The following SGMS1 variants were observed in gnomAD, a reference collection of about 807,000 sequenced individuals.
SGMS1 encodes the protein phosphatidylcholine:ceramide cholinephosphotransferase 1.
SGMS1 carries 13 observed loss-of-function variants against 46.2 expected under a neutral mutation model. The observed-to-expected ratio is 0.28, with a 90% CI of 0.18 to 0.45. SGMS1 has a LOEUF of 0.45. Among genes scored for constraint, SGMS1 ranks in the 20% least tolerant of loss-of-function variants. The pLI is 1.00. For missense variants in SGMS1, 324 were observed against 519.9 expected, an observed-to-expected ratio of 0.62 and a Z score of 3.66; for synonymous variants, 203 against 187.8, an observed-to-expected ratio of 1.08 and a Z score of -0.66.
chr10:50,560,580 C>A, intron 2 of SGMS1, among the ~76,000 whole-genome samples: 1 of 143,980 alleles, frequency 6.9e-6, no homozygotes, highest in Non-Finnish European at 1.5e-5. Context: ...ATACATAATA[C>A]AAATATACAT....
chr10:50,378,732 T>C (rs1018799208), intron 6 of SGMS1, among the ~76,000 whole-genome samples: 2 of 152,212 alleles, frequency 1.3e-5, no homozygotes, highest in African/African-American at 4.8e-5. Flanking sequence ...GTGGGATTAA[T>C]CACTACTAGT....
At chr10:50,576,130 C>T (rs1243119310) in intron 2 of SGMS1, among the ~76,000 whole-genome samples, 1 of 152,070 alleles carries the variant, frequency 6.6e-6, no homozygotes, top group African/African-American at 2.4e-5. Context: ...AACCACCTAA[C>T]ACTGTATTAC....
chr10:50,599,771 G>A (rs1320232514), intron 1 of SGMS1, among the ~76,000 whole-genome samples: 5 of 152,142 alleles, frequency 3.3e-5, no homozygotes, highest in East Asian at 1.9e-4. Flanking sequence ...GCTGAGGCAA[G>A]AGAATTGCTT....
intron 1 of SGMS1, among the ~76,000 whole-genome samples, chr10:50,598,697 T>C (rs1469784206): frequency 6.6e-6 from 1 of 152,158 alleles, no homozygotes; most frequent in Non-Finnish European, 1.5e-5. Flanking sequence ...TCAAGGACCT[T>C]GGTTTCCAGA....
intron 6 of SGMS1, among the ~76,000 whole-genome samples, chr10:50,383,143 G>A (rs1848632022): frequency 6.6e-6 from 1 of 152,146 alleles, no homozygotes; most frequent in South Asian, 2.1e-4. Flanking sequence ...TTAGTGTATT[G>A]TACCTATTTT....
intron 6 of SGMS1, among the ~76,000 whole-genome samples, chr10:50,362,229 C>T (rs1321355332): frequency 3.3e-5 from 5 of 152,104 alleles, no homozygotes; most frequent in African/African-American, 1.2e-4. Flanking sequence ...ATACCATAAT[C>T]AGTTTCAAAA....
chr10:50,608,690 C>G (rs1838719248), intron 1 of SGMS1, among the ~76,000 whole-genome samples: 1 of 152,170 alleles, frequency 6.6e-6, no homozygotes, highest in Non-Finnish European at 1.5e-5. Flanking sequence ...AGCCTAATAA[C>G]AAGTACAGAG....
At chr10:50,372,923 A>G (rs1848463731) in intron 6 of SGMS1, among the ~76,000 whole-genome samples, 1 of 145,442 alleles carries the variant, frequency 6.9e-6, no homozygotes, top group Non-Finnish European at 1.5e-5. Context: ...AAGGAAACTT[A>G]AATCCAAAGT....
chr10:50,439,703 T>C (rs977806103), intron 5 of SGMS1, among the ~76,000 whole-genome samples: 1 of 152,208 alleles, frequency 6.6e-6, no homozygotes, highest in Non-Finnish European at 1.5e-5. Context: ...TATGAAATGT[T>C]CAATCCAGTT....
intron 6 of SGMS1, among the ~76,000 whole-genome samples, chr10:50,375,976 T>C (rs931258425): frequency 5.9e-5 from 9 of 152,092 alleles, no homozygotes; most frequent in Non-Finnish European, 1.2e-4. Flanking sequence ...AGACTACAAG[T>C]GAGTACTACT....
At chr10:50,378,581 C>T (rs935598668) in intron 6 of SGMS1, among the ~76,000 whole-genome samples, 3 of 152,138 alleles carry the variant, frequency 2.0e-5, no homozygotes, top group Admixed American at 6.5e-5. Flanking sequence ...ATTATTCATA[C>T]ACTAATTTGT....
chr10:50,436,646 C>A (rs1409893567), intron 5 of SGMS1, among the ~76,000 whole-genome samples: 1 of 152,162 alleles, frequency 6.6e-6, no homozygotes, highest in African/African-American at 2.4e-5. Flanking sequence ...CATGGGAAAA[C>A]CTGGCTCCTT....
At chr10:50,493,066 A>G (rs1428667974) in intron 3 of SGMS1, among the ~76,000 whole-genome samples, 1 of 152,196 alleles carries the variant, frequency 6.6e-6, no homozygotes, top group Non-Finnish European at 1.5e-5. Flanking sequence ...CTTCAAAACT[A>G]TACTACAGGG....
chr10:50,389,874 T>G (rs1848740208), intron 6 of SGMS1, among the ~76,000 whole-genome samples: 1 of 152,240 alleles, frequency 6.6e-6, no homozygotes, highest in African/African-American at 2.4e-5. Flanking sequence ...CCTGTATTAT[T>G]TATAAACGTT....
intron 3 of SGMS1, among the ~76,000 whole-genome samples, chr10:50,470,878 C>T (rs544063409): frequency 3.5e-4 from 54 of 152,172 alleles, no homozygotes; most frequent in African/African-American, 1.2e-3. Context: ...CCTCTCAAAC[C>T]GGTTTCCCTT....
intron 8 of SGMS1, among the ~76,000 whole-genome samples, chr10:50,319,285 C>T (rs1847402571): frequency 6.6e-6 from 1 of 152,070 alleles, no homozygotes; most frequent in African/African-American, 2.4e-5. Context: ...GATTGTATCA[C>T]ATTTTCTTCT....
intron 7 of SGMS1, among the ~76,000 whole-genome samples, chr10:50,327,711 G>A (rs1847553162): frequency 6.6e-6 from 1 of 152,194 alleles, no homozygotes; most frequent in African/African-American, 2.4e-5. Flanking sequence ...AAGATCTTCA[G>A]AAAATCAGAA....
chr10:50,455,576 A>G (rs896506087), intron 5 of SGMS1, among the ~76,000 whole-genome samples: 1 of 152,240 alleles, frequency 6.6e-6, no homozygotes, highest in Non-Finnish European at 1.5e-5. Context: ...CTTTGGAGAA[A>G]ATTCTCTAGT....
chr10:50,469,137 C>G lies in SGMS1; in HGVS notation c.-497-2205G>C, dbSNP rs1402496036. On this transcript the variant is annotated intron_variant, in intron 3 of 10. Coordinates refer to ENST00000361781, the MANE Select transcript of SGMS1 (RefSeq NM_147156.4). ...AGGGTTCCAAATTACGTGTCGGATACCTTTAGGCTATTGTGTTGACCATAA... is the reference window on the plus strand; with the variant it reads ...AGGGTTCCAAATTACGTGTCGGATAGCTTTAGGCTATTGTGTTGACCATAA... 3.5e-4 allele frequency among the ~76,000 whole-genome samples: 54 copies of G among 152,196 alleles called. 2 individuals are homozygous for G. The highest frequency in any genetic ancestry group is 3.5e-3 in the Admixed American group (53 of 15,284).
Sources: gnomAD v4.1 joint callset for allele counts (sites outside exome capture counted in the v4.1 genomes callset) on GRCh38, gnomAD v4.1.1 for gene constraint, MANE v1.5 for transcripts, NCBI Gene and HGNC (gene_info 2026-07-23, HGNC 2026-07-21) for gene names.